The following KMT2E variants were observed in gnomAD, a reference collection of about 807,000 sequenced individuals.
KMT2E encodes histone reader KMT2E.
A neutral mutation model predicts 184.6 loss-of-function variants in KMT2E; 30 were observed. The observed-to-expected ratio is 0.16, with a 90% CI of 0.12 to 0.22. The LOEUF (loss-of-function observed/expected upper bound fraction) is 0.22, where lower values mean the gene tolerates loss of function less well. KMT2E is among the 10% of genes least tolerant of loss of function. The pLI, the probability that KMT2E is intolerant of heterozygous loss-of-function variation, is 1.00. For synonymous variants in KMT2E, 815 were observed against 776.5 expected, an observed-to-expected ratio of 1.05 and a Z score of -0.82; for missense variants, 2,023 against 2,237.4, an observed-to-expected ratio of 0.90 and a Z score of 1.93.
At chr7:105,019,397 G>A (rs750255799) in intron 1 of KMT2E, among the ~76,000 whole-genome samples, 77 of 152,038 alleles carry the variant, frequency 5.1e-4, no homozygotes, top group Non-Finnish European at 9.7e-4. Context: ...GAATTTTACA[G>A]TTTTATTGGA....
intron 1 of KMT2E, among the ~76,000 whole-genome samples, chr7:105,034,471 A>G (rs1435871585): frequency 6.6e-6 from 1 of 152,032 alleles, no homozygotes; most frequent in Non-Finnish European, 1.5e-5. Context: ...GCCTCACGTG[A>G]TCCTTCTGCC....
rs1799495177 is a variant in KMT2E at position 105,114,261 on chromosome 7, C to T, written c.*928C>T. 6.6e-6 allele frequency: 1 copy of T among 152,130 alleles called. No homozygotes were observed. The highest frequency in any genetic ancestry group is 1.5e-5 in the Non-Finnish European group (1 of 68,030). 9.4% of individuals were successfully genotyped at this position (152,130 alleles called of 1,614,324 possible). A position where few individuals can be genotyped will look rare whatever the true frequency, so the allele number is the denominator to read the frequency against. ...TTTCTGTTTGCATTTTTGCAGGAGCCATAGGAAACTACTGAAATGATTGTG... is the reference window on the plus strand; with the variant it reads ...TTTCTGTTTGCATTTTTGCAGGAGCTATAGGAAACTACTGAAATGATTGTG... On this transcript the variant is annotated 3_prime_UTR_variant, in exon 27 of 27. Transcript: ENST00000311117.
intron 7 of KMT2E, among the ~76,000 whole-genome samples, chr7:105,074,243 C>T (rs1246036061): frequency 6.6e-6 from 1 of 152,152 alleles, no homozygotes; most frequent in African/African-American, 2.4e-5. Context: ...GACCCTCTTG[C>T]ATAAGTCTTT....
intron 15 of KMT2E, among the ~76,000 whole-genome samples, chr7:105,101,204 T>C (rs1798643115): frequency 6.6e-6 from 1 of 152,174 alleles, no homozygotes; most frequent in African/African-American, 2.4e-5. Flanking sequence ...AAGTGTTTCC[T>C]TCATGAAATA....
intron 3 of KMT2E, among the ~76,000 whole-genome samples, chr7:105,043,639 T>A (rs1446515854): frequency 6.6e-6 from 1 of 152,210 alleles, no homozygotes; most frequent in Non-Finnish European, 1.5e-5. Context: ...CAAATAAGAT[T>A]TTAAATTTGT....
At chr7:105,087,284 GATATA>G (rs1176098361) in intron 13 of KMT2E, among the ~76,000 whole-genome samples, 80 of 143,868 alleles carry the variant, frequency 5.6e-4, no homozygotes, top group South Asian at 1.9e-3. Context: ...ATATAAATAT[GATATA>G]ATATATATAA....
intron 3 of KMT2E, among the ~76,000 whole-genome samples, chr7:105,054,416 T>C (rs1292232339): frequency 6.6e-6 from 1 of 151,888 alleles, no homozygotes; most frequent in Non-Finnish European, 1.5e-5. Context: ...AGGAAAAAAT[T>C]GGGGAATTAT....
chr7:105,033,648 G>A (rs1183460794), intron 1 of KMT2E, among the ~76,000 whole-genome samples: 3 of 151,960 alleles, frequency 2.0e-5, no homozygotes, highest in Admixed American at 6.6e-5. Flanking sequence ...ACAGACGCCC[G>A]CCACCACGCC....
rs1797038536 is a variant in KMT2E at position 105,066,663 on chromosome 7, A to G, written c.417-64A>G. 3.9e-6 allele frequency: 5 copies of G among 1,287,072 alleles called. No homozygotes were observed. The Admixed American group carries it at 5.2e-5, about 13-fold the overall frequency. 79.7% of individuals were successfully genotyped at this position (1,287,072 alleles called of 1,614,324 possible). A position where few individuals can be genotyped will look rare whatever the true frequency, so the allele number is the denominator to read the frequency against. Reference sequence around the variant, plus strand: ...TTATTAAATGATAGTTAAATGGAATATCAAATCTTAATTTAAGGATGACTT... The same window carrying G: ...TTATTAAATGATAGTTAAATGGAATGTCAAATCTTAATTTAAGGATGACTT... On this transcript the variant is annotated intron_variant, in intron 5 of 26. Coordinates refer to ENST00000311117, the MANE Select transcript of KMT2E (RefSeq NM_182931.3).
intron 9 of KMT2E, 47 bp from the exon 10 acceptor site, chr7:105,076,916 G>T (rs1388209627): frequency 3.4e-6 from 3 of 884,502 alleles, no homozygotes; most frequent in South Asian, 2.8e-5. Flanking sequence ...GTGTGTGTGT[G>T]TGTAAGTCCG....
chr7:105,109,379 G>C (rs958156161), intron 23 of KMT2E, 151 bp downstream of exon 23: 1 of 745,386 alleles, frequency 1.3e-6, no homozygotes, highest in African/African-American at 1.8e-5. Flanking sequence ...TAAGCCAGCT[G>C]TGTATGGCCT....
intron 5 of KMT2E, among the ~76,000 whole-genome samples, chr7:105,065,074 T>A (rs146773180): frequency 6.6e-6 from 1 of 152,306 alleles, no homozygotes; most frequent in Non-Finnish European, 1.5e-5. Context: ...TTATTCAAGT[T>A]ATTTGCTTCT....
At chr7:105,045,646 A>G (rs925751344) in intron 3 of KMT2E, among the ~76,000 whole-genome samples, 47 of 152,230 alleles carry the variant, frequency 3.1e-4, no homozygotes, top group Admixed American at 2.0e-4. Context: ...ATGGCTGAAT[A>G]ATAGTCCATT....
At chr7:105,099,445 TCTAA>T (rs1403650139) in intron 15 of KMT2E, among the ~76,000 whole-genome samples, 1 of 152,224 alleles carries the variant, frequency 6.6e-6, no homozygotes, top group Non-Finnish European at 1.5e-5. Context: ...ATGAACCATC[TCTAA>T]ATACAGGATT....
chr7:105,082,219 A>G (rs1013691053), intron 13 of KMT2E, among the ~76,000 whole-genome samples: 2 of 152,198 alleles, frequency 1.3e-5, no homozygotes, highest in Admixed American at 6.5e-5. Flanking sequence ...TTTGTTGGAG[A>G]TCCTACAAAG....
rs748335836 is a variant in KMT2E, at chr7:105,112,410, CCTTCTT to C, written c.4656_4661del (p.Ser1554_Ser1555del). On this transcript the variant is annotated inframe_deletion, in exon 27 of 27. Coordinates refer to ENST00000311117, the MANE Select transcript of KMT2E (RefSeq NM_182931.3). ...ACCACCCCCTCCACCTCCTCCACCT[CCTTCTT>C]CGTCTTACTATCAAAACCAGCAGCC... 1 of 1,613,242 alleles carries C rather than the reference CCTTCTT, an allele frequency of 6.2e-7. No individual in the cohort carries two copies. The highest frequency in any genetic ancestry group is 1.1e-5 in the South Asian group (1 of 91,068).
intron 1 of KMT2E, among the ~76,000 whole-genome samples, chr7:105,016,332 C>T (rs1260342783): frequency 6.6e-6 from 1 of 152,178 alleles, no homozygotes; most frequent in African/African-American, 2.4e-5. Context: ...AGTGAAGCTT[C>T]ATGCTGCCTT....
chr7:105,106,086 C>T, intron 19 of KMT2E, 83 bp downstream of exon 19: 2 of 1,276,408 alleles, frequency 1.6e-6, no homozygotes, highest in Non-Finnish European at 2.2e-6. Context: ...TTTCTAGTTA[C>T]TGGTATGCAC....
At chr7:105,018,045 C>T in intron 1 of KMT2E, among the ~76,000 whole-genome samples, 1 of 152,126 alleles carries the variant, frequency 6.6e-6, no homozygotes, top group East Asian at 1.9e-4. Context: ...GAAAAATTTC[C>T]CCTCAGTACA....
Sources: allele counts gnomAD v4.1 joint callset (sites outside exome capture counted in the v4.1 genomes callset), GRCh38; gene constraint gnomAD v4.1.1; transcripts MANE v1.5; gene names NCBI Gene and HGNC (gene_info 2026-07-23, HGNC 2026-07-21).